The following CEP95 variants were observed in gnomAD, a reference collection of about 807,000 sequenced individuals.
CEP95 encodes the protein centrosomal protein of 95 kDa.
A neutral mutation model predicts 111.2 loss-of-function variants in CEP95; 98 were observed. The observed-to-expected ratio is 0.88, with a 90% CI of 0.75 to 1.04. The LOEUF is 1.04. Ranked by LOEUF, CEP95 falls within the 50% of genes least tolerant of loss-of-function variation. The pLI, the probability that CEP95 is intolerant of heterozygous loss-of-function variation, is 0.00. For missense variants in CEP95, 1,027 were observed against 977.2 expected (o/e 1.05, Z -0.68); for synonymous variants, 323 against 327.1 (o/e 0.99, Z 0.14).
chr17:64,532,709 T>C (rs1968364902), intron 14 of CEP95, 130 bp from the exon 15 acceptor site: 1 of 1,451,212 alleles, frequency 6.9e-7, no homozygotes, highest in Admixed American at 2.9e-5. Context: ...CAAATTATTA[T>C]AAGTACATTT....
intron 17 of CEP95, 56 bp from the exon 18 acceptor site, chr17:64,536,546 T>C: frequency 7.3e-7 from 1 of 1,372,088 alleles, no homozygotes; most frequent in Non-Finnish European, 1.0e-6. Flanking sequence ...TATATACCTC[T>C]AGTTGGCCAA....
chr17:64,511,365 C>T (rs1262546772), intron 3 of CEP95, among the ~76,000 whole-genome samples: 1 of 152,178 alleles, frequency 6.6e-6, no homozygotes, highest in African/African-American at 2.4e-5. Context: ...ATGGCCACGC[C>T]CGGGGGACCG....
At position 64,514,282 on chromosome 17, in the gene CEP95, T is replaced by TAATA. The variant is rs782270504; in HGVS notation, c.293_294insTAAA (p.Lys98AsnfsTer9). ...TAGTGAAAGGAGATAAAGAATCTAT[T>TAATA]AAGAATCTCCTGGAAATATTTGATG... On this transcript the variant is annotated frameshift_variant, in exon 4 of 20. Coordinates refer to ENST00000556440, the MANE Select transcript of CEP95 (RefSeq NM_138363.3). LOFTEE classifies it high-confidence loss of function. 2 of 1,484,788 alleles carry TAATA rather than the reference T, an allele frequency of 1.3e-6. No homozygotes were observed. The highest frequency in any genetic ancestry group is 1.8e-6 in the Non-Finnish European group (2 of 1,086,860). The allele number at this position is 1,484,788 out of a possible 1,614,324, so 92.0% of individuals were successfully genotyped here. A position where few individuals can be genotyped will look rare whatever the true frequency, so the allele number is the denominator to read the frequency against.
intron 16 of CEP95, 116 bp downstream of exon 16, chr17:64,533,307 G>C (rs782072878): frequency 1.8e-5 from 15 of 842,360 alleles, no homozygotes; most frequent in Admixed American, 9.4e-5. Context: ...CCTGCATGTG[G>C]AAGTGTTGCC....
In CEP95 at chr17:64,519,325, T is replaced by A; in HGVS notation, c.478T>A (p.Ser160Thr). The change falls in exon 6 of 20, where the codon TCC (serine) becomes ACC (threonine). Residue 160 changes from serine (S) to threonine (T), a missense_variant. Coordinates refer to ENST00000556440, the MANE Select transcript of CEP95 (RefSeq NM_138363.3). ...TGAAGGAGGGAACTTTTCCAGGTGC[T>A]CCTTGTCTTCTGAGATGTTGGGCCC... ...SWKRVSFGRC[S>T]LSSEMLGPSW... 6.2e-7 allele frequency: 1 copy of A among 1,613,280 alleles called. No homozygotes were observed. Among genetic ancestry groups the A allele is most frequent in the Non-Finnish European group, 8.5e-7 (1 of 1,179,282 alleles).
intron 3 of CEP95, among the ~76,000 whole-genome samples, chr17:64,513,455 A>G (rs2038989991): frequency 6.6e-6 from 1 of 152,176 alleles, no homozygotes; most frequent in Non-Finnish European, 1.5e-5. Context: ...TCTATTCAAC[A>G]TTTCAACCTA....
chr17:64,515,085 T>C (rs910101440), intron 4 of CEP95, among the ~76,000 whole-genome samples: 4 of 152,200 alleles, frequency 2.6e-5, no homozygotes, highest in African/African-American at 7.2e-5. Context: ...CTTTAATCAT[T>C]GTTACTAAAC....
At chr17:64,509,284 T>C (rs1480962173) in intron 2 of CEP95, among the ~76,000 whole-genome samples, 1 of 152,242 alleles carries the variant, frequency 6.6e-6, no homozygotes, top group African/African-American at 2.4e-5. Flanking sequence ...TCCTCCCGTC[T>C]ACCTCCCAAA....
At chr17:64,508,781 TTTAG>T (rs1470420869) in intron 2 of CEP95, 61 bp downstream of exon 2, 13 of 742,626 alleles carry the variant, frequency 1.8e-5, no homozygotes, top group Admixed American at 9.7e-5. Flanking sequence ...TTTTTAGTCC[TTTAG>T]TTAGATTCTT....
Position 64,508,598 on chromosome 17 carries a change from TA to T in CEP95, c.28del (p.Thr10ProfsTer14), listed in dbSNP as rs782122643. The T allele has an allele frequency of 7.1e-6, 10 of 1,405,868 alleles. No individual in the cohort carries two copies. The highest frequency in any genetic ancestry group is 2.6e-5 in the Admixed American group (1 of 38,900). The allele number at this position is 1,405,868 out of a possible 1,614,324, so 87.1% of individuals were successfully genotyped here. On this transcript the variant is annotated frameshift_variant, in exon 2 of 20. Coordinates refer to ENST00000556440, the MANE Select transcript of CEP95 (RefSeq NM_138363.3). LOFTEE classifies it high-confidence loss of function. Reference protein sequence around the residue: MAGSDAEWVTIANNLLFKC... With the variant: MAGSDAEWXTIANNLLFKC... ...TCCCCCTTTTTCCCAACAGAGTGGGTAACCATTGCCAATAACCTTCTTTTTA... is the reference window on the plus strand; with the variant it reads ...TCCCCCTTTTTCCCAACAGAGTGGGTACCATTGCCAATAACCTTCTTTTTA...
chr17:64,532,306 T>C, intron 14 of CEP95: 4 of 1,127,448 alleles, frequency 3.5e-6, no homozygotes, highest in Non-Finnish European at 4.3e-6. Flanking sequence ...TTTGACTGCC[T>C]TTTTGTCTAT....
Position 64,533,250 on chromosome 17 carries a change from T to C in CEP95, c.1917+59T>C, listed in dbSNP as rs1206206385. On this transcript the variant is annotated intron_variant, in intron 16 of 19. Coordinates refer to ENST00000556440, the MANE Select transcript of CEP95 (RefSeq NM_138363.3). ...GAATTTGTTATATTCATTCCCTTTATCTGTGCTAGCTGGGCAACAGTTGCA... is the reference window on the plus strand; with the variant it reads ...GAATTTGTTATATTCATTCCCTTTACCTGTGCTAGCTGGGCAACAGTTGCA... 6 of 1,409,388 alleles carry C rather than the reference T, an allele frequency of 4.3e-6. No individual in the cohort carries two copies. In the African/African-American group the frequency reaches 8.7e-5, roughly 20 times the overall value. 87.3% of individuals were successfully genotyped at this position (1,409,388 alleles called of 1,614,324 possible). A position where few individuals can be genotyped will look rare whatever the true frequency, so the allele number is the denominator to read the frequency against.
In CEP95 at chr17:64,537,116, ATAAT is replaced by A. The variant is rs1259782133; in HGVS notation, c.2289+8_2289+11del. The A allele has an allele frequency of 8.7e-6, 14 of 1,610,614 alleles. No individual in the cohort carries two copies. The highest frequency in any genetic ancestry group is 1.2e-5 in the Non-Finnish European group (14 of 1,178,364). On this transcript the variant is annotated splice_donor_5th_base_variant and intron_variant, in intron 19 of 19. Coordinates refer to ENST00000556440, the MANE Select transcript of CEP95 (RefSeq NM_138363.3). ...CAGAGAGAAATCTCAGGCCCAGGTAATAATTAAGATAGAAGCCAAGTCATGCACT... is the reference window on the plus strand; with the variant it reads ...CAGAGAGAAATCTCAGGCCCAGGTAATAAGATAGAAGCCAAGTCATGCACT...
At chr17:64,522,571 G>T in intron 7 of CEP95, 131 bp from the exon 8 acceptor site, 1 of 560,048 alleles carries the variant, frequency 1.8e-6, no homozygotes, top group Non-Finnish European at 3.1e-6. Context: ...ATTTTTTTAT[G>T]TGCTTTGTCT....
rs536153513 is a variant in CEP95 at position 64,528,063 on chromosome 17, C to T, written c.1306+799C>T. ...CTGGATCATAAGGCCTACATTTCTT[C>T]ACCACTGCCAACTTGCCCACCAAAG... On this transcript the variant is annotated intron_variant, in intron 11 of 19. Coordinates refer to ENST00000556440, the MANE Select transcript of CEP95 (RefSeq NM_138363.3). Among the ~76,000 whole-genome samples the T allele has an allele frequency of 3.2e-4, 48 of 152,080 alleles. 2 individuals carry two copies. Among genetic ancestry groups the T allele is most frequent in the Admixed American group, 1.8e-3 (27 of 15,266 alleles).
chr17:64,532,864 G>C lies in CEP95; in HGVS notation c.1698G>C (p.Leu566=). The change falls in exon 15 of 20, where the codon CTG becomes CTC. Residue 566 remains leucine, a synonymous_variant. Coordinates refer to ENST00000556440, the MANE Select transcript of CEP95 (RefSeq NM_138363.3). ...TGAAAGTAAGTGAACACAGTCTCCT[G>C]CCCCTTATGCTGGAGCAGTTTCCGT... ...VPMKVSEHSL[L]PLMLEQFPFL... The C allele has an allele frequency of 6.2e-7, 1 of 1,612,880 alleles. No individual in the cohort carries two copies. The highest frequency in any genetic ancestry group is 8.5e-7 in the Non-Finnish European group (1 of 1,179,614).
rs903746184 is a variant in CEP95 at position 64,507,003 on chromosome 17, C to T, written c.-95C>T. On this transcript the variant is annotated 5_prime_UTR_variant, in exon 1 of 20. Coordinates refer to ENST00000556440, the MANE Select transcript of CEP95 (RefSeq NM_138363.3). Reference sequence around the variant, plus strand: ...TTCCCCGCGCTTTGGTTCGTGCGTCCGCGCCCCAGTGTCGGGTCTGCGTGG... The same window carrying T: ...TTCCCCGCGCTTTGGTTCGTGCGTCTGCGCCCCAGTGTCGGGTCTGCGTGG... The T allele has an allele frequency of 5.6e-6, 8 of 1,436,404 alleles. No individual in the cohort carries two copies. In the African/African-American group the frequency reaches 5.6e-5, roughly 10 times the overall value. The allele number at this position is 1,436,404 out of a possible 1,614,324, so 89.0% of individuals were successfully genotyped here.
At chr17:64,514,091 A>T in intron 3 of CEP95, 157 bp from the exon 4 acceptor site, 2 of 434,324 alleles carry the variant, frequency 4.6e-6, no homozygotes, top group Non-Finnish European at 8.3e-6. Flanking sequence ...TTTCACCTGT[A>T]TTCTTTTTTT....
intron 8 of CEP95, among the ~76,000 whole-genome samples, chr17:64,524,176 CTCTGTTTCTTG>C (rs1555678584): frequency 6.6e-6 from 1 of 152,094 alleles, no homozygotes; most frequent in Non-Finnish European, 1.5e-5. Flanking sequence ...GTTGGTAATA[CTCTGTTTCTTG>C]ACCTGGGTGG....
Sources: allele counts gnomAD v4.1 joint callset (sites outside exome capture counted in the v4.1 genomes callset), GRCh38; gene constraint gnomAD v4.1.1; transcripts MANE v1.5; gene names NCBI Gene and HGNC (gene_info 2026-07-23, HGNC 2026-07-21).